The following STRN variants were observed in gnomAD, a reference collection of about 807,000 sequenced individuals.
STRN encodes the protein protein phosphatase 2 regulatory subunit B'''alpha.
A neutral mutation model predicts 96.3 loss-of-function variants in STRN; 53 were observed. The ratio of observed to expected loss-of-function variants is 0.55; its 90% CI spans 0.44 to 0.69. STRN has a LOEUF of 0.69. STRN is among the 30% of genes least tolerant of loss of function. The pLI is 0.00. For synonymous variants in STRN, 428 were observed against 355.9 expected (o/e 1.20, Z -2.28); for missense variants, 987 against 963.9 (o/e 1.02, Z -0.32).
chr2:36,882,130 A>G (rs1174940244), intron 9 of STRN, among the ~76,000 whole-genome samples: 1 of 152,210 alleles, frequency 6.6e-6, no homozygotes, highest in Non-Finnish European at 1.5e-5. Flanking sequence ...TCCAATCGTG[A>G]AAATCTAGAT....
At chr2:36,945,421 A>T (rs1453844592) in intron 1 of STRN, among the ~76,000 whole-genome samples, 1 of 152,202 alleles carries the variant, frequency 6.6e-6, no homozygotes, top group Non-Finnish European at 1.5e-5. Context: ...TAATCCCAGC[A>T]CTTTGGGAGG....
At chr2:36,956,537 T>C (rs1361038479) in intron 1 of STRN, among the ~76,000 whole-genome samples, 1 of 152,152 alleles carries the variant, frequency 6.6e-6, no homozygotes, top group Non-Finnish European at 1.5e-5. Context: ...GAAACCTGGA[T>C]GCTACACACA....
At chr2:36,882,771 AAAAC>A (rs1230414820) in intron 9 of STRN, among the ~76,000 whole-genome samples, 9 of 152,104 alleles carry the variant, frequency 5.9e-5, no homozygotes, top group Admixed American at 5.2e-4. Context: ...CCTGTCTCCA[AAAAC>A]AAACAAACAA....
intron 12 of STRN, among the ~76,000 whole-genome samples, chr2:36,863,324 CT>C (rs1284334694): frequency 6.6e-6 from 1 of 151,986 alleles, no homozygotes; most frequent in Non-Finnish European, 1.5e-5. Flanking sequence ...GCATTTAAGT[CT>C]TTAATCCGTC....
intron 5 of STRN, among the ~76,000 whole-genome samples, chr2:36,901,032 A>G (rs1283061268): frequency 6.6e-6 from 1 of 151,826 alleles, no homozygotes; most frequent in African/African-American, 2.4e-5. Flanking sequence ...AGAAACTACT[A>G]TGGACAAAAT....
intron 8 of STRN, 133 bp from the exon 9 acceptor site, chr2:36,884,208 T>C: frequency 6.1e-6 from 5 of 818,072 alleles, no homozygotes; most frequent in Non-Finnish European, 8.3e-6. Context: ...ACTAGATTAA[T>C]AAGAATTATT....
intron 6 of STRN, among the ~76,000 whole-genome samples, chr2:36,898,045 A>G (rs1367669453): frequency 6.6e-6 from 1 of 152,148 alleles, no homozygotes; most frequent in African/African-American, 2.4e-5. Context: ...TATGTTGTTT[A>G]CTTAAAAAGA....
chr2:36,921,743 C>T (rs944268557), intron 2 of STRN, among the ~76,000 whole-genome samples: 2 of 151,746 alleles, frequency 1.3e-5, no homozygotes. Flanking sequence ...GTTATCATTT[C>T]TCATCTTAGA....
At chr2:36,876,784 G>T (rs1366430353) in intron 10 of STRN, among the ~76,000 whole-genome samples, 1 of 148,606 alleles carries the variant, frequency 6.7e-6, no homozygotes, top group Admixed American at 6.7e-5. Context: ...GTCTTGCTCT[G>T]TCGCCCAGGC....
chr2:36,863,738 T>C (rs1668552646), intron 12 of STRN, among the ~76,000 whole-genome samples: 2 of 152,240 alleles, frequency 1.3e-5, no homozygotes, highest in African/African-American at 4.8e-5. Context: ...AATTTGTAAA[T>C]TGCTTTGGGC....
At chr2:36,878,567 A>G (rs1164000115) in intron 9 of STRN, among the ~76,000 whole-genome samples, 1 of 152,164 alleles carries the variant, frequency 6.6e-6, no homozygotes, top group Non-Finnish European at 1.5e-5. Flanking sequence ...GATTAAAGAA[A>G]GGAAGCAACA....
At chr2:36,869,779 G>A (rs376576378) in intron 10 of STRN, 50 bp from the exon 11 acceptor site, 4 of 1,380,180 alleles carry the variant, frequency 2.9e-6, no homozygotes, top group African/African-American at 1.5e-5. Flanking sequence ...TAAGGATAGG[G>A]GAAAAAACTT....
rs1321506314 is a variant in STRN at position 36,840,182 on chromosome 2, TG to T, written c.*9273del. 2 of 151,904 alleles carry T rather than the reference TG, an allele frequency of 1.3e-5. No homozygotes were observed. The highest frequency in any genetic ancestry group is 2.9e-5 in the Non-Finnish European group (2 of 67,996). 9.4% of individuals were successfully genotyped at this position (151,904 alleles called of 1,614,324 possible). The stretch of plus-strand genomic sequence containing the variant: ...AGGTTGCAAGGAAAGAGTGTGGAAG[TG>T]GACCTGTTCTGAGCCCAGGATAATC... On this transcript the variant is annotated 3_prime_UTR_variant, in exon 18 of 18. Coordinates refer to ENST00000263918, the MANE Select transcript of STRN (RefSeq NM_003162.4).
At chr2:36,952,569 T>G (rs1210625281) in intron 1 of STRN, among the ~76,000 whole-genome samples, 1 of 152,184 alleles carries the variant, frequency 6.6e-6, no homozygotes, top group Admixed American at 6.5e-5. Flanking sequence ...ACCTATGCAT[T>G]TGGGAATGAT....
chr2:36,839,626 G>A lies in STRN; in HGVS notation c.*9830C>T, dbSNP rs1667899323. On this transcript the variant is annotated 3_prime_UTR_variant, in exon 18 of 18. Coordinates refer to ENST00000263918, the MANE Select transcript of STRN (RefSeq NM_003162.4). ...TCATAGATGAGAAGCCAATTTAGAA[G>A]AGTTGACTTGTCTAAAATCTAACAG... Among the ~76,000 whole-genome samples, 1 of 152,178 alleles carries A rather than the reference G, an allele frequency of 6.6e-6. No homozygotes were observed. The highest frequency in any genetic ancestry group is 1.5e-5 in the Non-Finnish European group (1 of 68,028).
chr2:36,886,822 CT>C lies in STRN; in HGVS notation c.935del (p.Lys312ArgfsTer17). 6.2e-7 allele frequency: 1 copy of C among 1,609,692 alleles called. No homozygotes were observed. Among genetic ancestry groups the C allele is most frequent in the Non-Finnish European group, 8.5e-7 (1 of 1,178,104 alleles). ...CTTCAGGCATGAGACACTGGTCTTC[CT>C]TTTCTAAACAGAGTGAAACAAATGA... Reference protein sequence around the residue: ...RSAGDGTDWEKEDQCLMPEAW... With the variant: ...RSAGDGTDWEXEDQCLMPEAW... On this transcript the variant is annotated frameshift_variant, in exon 8 of 18. Coordinates refer to ENST00000263918, the MANE Select transcript of STRN (RefSeq NM_003162.4). LOFTEE classifies it high-confidence loss of function.
chr2:36,899,538 G>A lies in STRN; in HGVS notation c.780C>T (p.Val260=), dbSNP rs755502110. The A allele has an allele frequency of 2.5e-6, 4 of 1,612,096 alleles. No individual in the cohort carries two copies. Among genetic ancestry groups the A allele is most frequent in the East Asian group, 2.2e-5 (1 of 44,822 alleles). Residue 260 remains valine (V), a synonymous_variant, in exon 6 of 18, where the codon GTC becomes GTT. Coordinates refer to ENST00000263918, the MANE Select transcript of STRN (RefSeq NM_003162.4). ...TCTAACTCACTGTTGAAGTATCAAT[G>A]ACGCTTTTCTCTCTTCCATCAACAT... ...DDDVDGREKS[V]IDTSTIVRKK...
In STRN at chr2:36,896,141, G is replaced by C. The variant is rs188765092; in HGVS notation, c.796-2108C>G. Among the ~76,000 whole-genome samples, 121 of 152,148 alleles carry C rather than the reference G, an allele frequency of 8.0e-4. 2 individuals are homozygous for C. Among genetic ancestry groups the C allele is most frequent in the South Asian group, 4.6e-3 (22 of 4,822 alleles). On this transcript the variant is annotated intron_variant, in intron 6 of 17. Transcript: ENST00000263918. ...CCTCGTTCTCACTGCCTGACAAAAA[G>C]AGCAGGCAAAATCCATAAGAAGCAT...
At chr2:36,923,219 A>G (rs1471311211) in intron 2 of STRN, among the ~76,000 whole-genome samples, 1 of 151,876 alleles carries the variant, frequency 6.6e-6, no homozygotes, top group Admixed American at 6.6e-5. Flanking sequence ...GGAGGCTGAG[A>G]TGGTGGATTA....
Sources: allele counts gnomAD v4.1 joint callset (sites outside exome capture counted in the v4.1 genomes callset), GRCh38; gene constraint gnomAD v4.1.1; transcripts MANE v1.5; gene names NCBI Gene and HGNC (gene_info 2026-07-23, HGNC 2026-07-21).